Variants in FILIP1L observed in about 807,000 individuals in gnomAD.
The protein encoded by FILIP1L is filamin A interacting protein 1 like.
A neutral mutation model predicts 96.6 loss-of-function variants in FILIP1L; 55 were observed. The ratio of observed to expected loss-of-function variants is 0.57; its 90% CI spans 0.46 to 0.71. The LOEUF is 0.71. FILIP1L is among the 30% of genes least tolerant of loss of function. The pLI is 0.00. For synonymous variants in FILIP1L, 467 were observed against 473.9 expected (o/e 0.99, Z 0.19); for missense variants, 1,304 against 1,321.2 (o/e 0.99, Z 0.20).
At chr3:99,933,180 C>T (rs34174004) in intron 1 of FILIP1L, among the ~76,000 whole-genome samples, 10,129 of 152,264 alleles carry the variant, frequency 0.067, 401 homozygotes, top group Middle Eastern at 0.085. Flanking sequence ...GCCGTAATGT[C>T]ATTATGCTGT....
chr3:99,979,803 A>G (rs901565287), intron 1 of FILIP1L, among the ~76,000 whole-genome samples: 4 of 152,178 alleles, frequency 2.6e-5, no homozygotes, highest in African/African-American at 9.7e-5. Flanking sequence ...CTAGTCCTTA[A>G]AGAGGGCACA....
intron 1 of FILIP1L, among the ~76,000 whole-genome samples, chr3:100,006,153 A>G (rs1709978957): frequency 6.6e-6 from 1 of 152,170 alleles, no homozygotes; most frequent in Non-Finnish European, 1.5e-5. Context: ...GCAGGTAGGT[A>G]TACTGGTGGT....
intron 1 of FILIP1L, among the ~76,000 whole-genome samples, chr3:100,068,990 G>C (rs1225474625): frequency 1.3e-5 from 2 of 152,170 alleles, no homozygotes; most frequent in Non-Finnish European, 2.9e-5. Context: ...GGGAGCTGCC[G>C]TTCTGCTCCA....
chr3:99,849,893 A>G lies in FILIP1L; in HGVS notation c.1783T>C (p.Leu595=), dbSNP rs9843741. 4,236 of 1,611,866 alleles carry G rather than the reference A, an allele frequency of 2.6e-3. 109 individuals are homozygous for G. In the African/African-American group the frequency reaches 0.047, roughly 18 times the overall value. The part of the protein sequence containing the change: ...VNMLKNRLQS[L]EAIEKDFLKN... ...AGGAAATCTTTCTCAATTGCTTCCA[A>G]TGATTGAAGCCTATTTTTCAACATA... Residue 595 remains leucine (L), a synonymous_variant, in exon 5 of 6, where the codon TTG becomes CTG. Transcript: ENST00000477258.
chr3:100,070,455 T>C (rs2107370896), intron 1 of FILIP1L, among the ~76,000 whole-genome samples: 1 of 152,342 alleles, frequency 6.6e-6, no homozygotes, highest in South Asian at 2.1e-4. Context: ...ATAATGTTGA[T>C]TTATTCTCCC....
rs560625877 is a variant in FILIP1L at position 99,862,349 on chromosome 3, T to C, written c.606-11279A>G. On this transcript the variant is annotated intron_variant, in intron 4 of 5. Coordinates refer to ENST00000477258, the MANE Select transcript of FILIP1L (RefSeq NM_001387850.1). ...AAGTAGGGGTCAGCTGGGGGAAGAA[T>C]AGCACAAATCACATTGGAATGAAAG... Among the ~76,000 whole-genome samples, 9 of 152,258 alleles carry C rather than the reference T, an allele frequency of 5.9e-5. No homozygotes were observed. The East Asian group carries it at 9.6e-4, about 16-fold the overall frequency.
rs1475940026 is a variant in FILIP1L, at chr3:99,844,438, A to G, written c.3381+3857T>C. 3.9e-5 allele frequency among the ~76,000 whole-genome samples: 6 copies of G among 152,218 alleles called. No homozygotes were observed. The South Asian group carries it at 1.0e-3, about 26-fold the overall frequency. On this transcript the variant is annotated intron_variant, in intron 5 of 5. Coordinates refer to ENST00000477258, the MANE Select transcript of FILIP1L (RefSeq NM_001387850.1). ...GATTATTTGGAGGAAAAAAATCTTA[A>G]TAACAGAAACCAGGGTATAGGAAAA...
intron 1 of FILIP1L, among the ~76,000 whole-genome samples, chr3:100,062,960 C>T (rs560223108): frequency 2.6e-4 from 40 of 152,202 alleles, no homozygotes; most frequent in African/African-American, 9.2e-4. Context: ...TTGTTCAGCA[C>T]GAAAGGAGGA....
chr3:99,991,884 GTA>G (rs1709524966), intron 1 of FILIP1L, among the ~76,000 whole-genome samples: 1 of 146,432 alleles, frequency 6.8e-6, no homozygotes, highest in East Asian at 2.0e-4. Context: ...ACACATATAT[GTA>G]TATATGTGTG....
chr3:99,975,651 C>G (rs917314900), intron 1 of FILIP1L, among the ~76,000 whole-genome samples: 1 of 151,822 alleles, frequency 6.6e-6, no homozygotes, highest in African/African-American at 2.4e-5. Flanking sequence ...CTAGGGTAAA[C>G]AACAGAACTG....
At chr3:99,955,985 T>C (rs1167744429) in intron 1 of FILIP1L, among the ~76,000 whole-genome samples, 1 of 152,222 alleles carries the variant, frequency 6.6e-6, no homozygotes, top group Non-Finnish European at 1.5e-5. Flanking sequence ...GGACTTGACC[T>C]TGGAGTCCTT....
At chr3:100,094,504 A>G (rs2066167620) in intron 1 of FILIP1L, among the ~76,000 whole-genome samples, 1 of 152,008 alleles carries the variant, frequency 6.6e-6, no homozygotes. Flanking sequence ...CTTTGTCTAG[A>G]CAGAGATCCC....
intron 4 of FILIP1L, among the ~76,000 whole-genome samples, chr3:99,918,254 G>A (rs1375504469): frequency 6.6e-6 from 1 of 152,114 alleles, no homozygotes; most frequent in Non-Finnish European, 1.5e-5. Flanking sequence ...AGGATTACAG[G>A]TGTGAGCCAC....
chr3:100,059,923 T>C (rs1056424169), intron 1 of FILIP1L, among the ~76,000 whole-genome samples: 2 of 152,072 alleles, frequency 1.3e-5, no homozygotes, highest in African/African-American at 4.8e-5. Flanking sequence ...GCCTCCAGTC[T>C]GGGGAGTTCT....
At chr3:99,992,032 A>G (rs544959773) in intron 1 of FILIP1L, among the ~76,000 whole-genome samples, 18 of 150,010 alleles carry the variant, frequency 1.2e-4, no homozygotes, top group African/African-American at 4.2e-4. Flanking sequence ...ATATACGTGT[A>G]TATATATATA....
intron 1 of FILIP1L, among the ~76,000 whole-genome samples, chr3:99,973,490 C>CT (rs983697997): frequency 2.1e-3 from 325 of 152,078 alleles, no homozygotes; most frequent in African/African-American, 6.9e-3. Context: ...ATTCCTCTGT[C>CT]TTTTTTTTCC....
At chr3:99,835,246 C>T (rs1165186679) in intron 5 of FILIP1L, among the ~76,000 whole-genome samples, 1 of 152,210 alleles carries the variant, frequency 6.6e-6, no homozygotes, top group Non-Finnish European at 1.5e-5. Flanking sequence ...AAGGCCCACT[C>T]ACATGTCCTT....
chr3:99,926,672 A>C (rs1707302321), intron 3 of FILIP1L, among the ~76,000 whole-genome samples: 1 of 152,364 alleles, frequency 6.6e-6, no homozygotes, highest in South Asian at 2.1e-4. Flanking sequence ...TGAATTACTA[A>C]AAGAGGCTTT....
At chr3:100,087,801 A>G (rs9828079) in intron 1 of FILIP1L, among the ~76,000 whole-genome samples, 27,075 of 150,360 alleles carry the variant, frequency 0.18, 2,818 homozygotes, top group South Asian at 0.25. Context: ...TCCTAACACA[A>G]ACTCACAAAG....
Sources: allele counts gnomAD v4.1 joint callset (sites outside exome capture counted in the v4.1 genomes callset), GRCh38; gene constraint gnomAD v4.1.1; transcripts MANE v1.5; gene names NCBI Gene and HGNC (gene_info 2026-07-23, HGNC 2026-07-21).